KCNQ1: variants seen among roughly 807,000 people sequenced by gnomAD.
The protein encoded by KCNQ1 is potassium voltage-gated channel subfamily Q member 1, also known as potassium voltage-gated channel subfamily KQT member 1.
KCNQ1 carries 49 observed loss-of-function variants against 72.4 expected under a neutral mutation model. The observed-to-expected ratio is 0.68, with a 90% CI of 0.54 to 0.86. The LOEUF (loss-of-function observed/expected upper bound fraction) is 0.86. Ranked by LOEUF, KCNQ1 falls within the 40% of genes least tolerant of loss-of-function variation. KCNQ1 has a pLI of 0.00. For synonymous variants in KCNQ1, 450 were observed against 412.6 expected, an observed-to-expected ratio of 1.09 and a Z score of -1.10; for missense variants, 790 against 945.1, an observed-to-expected ratio of 0.84 and a Z score of 2.15.
In KCNQ1 at chr11:2,613,528, A is replaced by G. The variant is rs1166127743; in HGVS notation, c.1393+24674A>G. The G allele has an allele frequency of 5.0e-6, 2 of 398,470 alleles. No individual in the cohort carries two copies. The highest frequency in any genetic ancestry group is 8.8e-6 in the Non-Finnish European group (2 of 226,032). 24.7% of individuals were successfully genotyped at this position (398,470 alleles called of 1,614,324 possible). On this transcript the variant is annotated intron_variant, in intron 10 of 15. Transcript: ENST00000155840. The surrounding 1 kb of genome is among the most constrained non-coding windows in gnomAD (Gnocchi z 4.8). ...GCTTGGGTGGGGAGATGGCAGCCCC[A>G]CGTTAAATCATAACCCTGCTATTCT...
intron 1 of KCNQ1, among the ~76,000 whole-genome samples, chr11:2,507,000 TC>T (rs756635750): frequency 2.6e-5 from 4 of 152,200 alleles, no homozygotes; most frequent in Non-Finnish European, 5.9e-5. Context: ...TCCCAGCTGG[TC>T]ACTTGTCTTT....
At chr11:2,570,292 G>A (rs995124724) in intron 2 of KCNQ1, among the ~76,000 whole-genome samples, 4 of 102,170 alleles carry the variant, frequency 3.9e-5, no homozygotes, top group African/African-American at 6.0e-5. Flanking sequence ...GGCGTCGGAC[G>A]CCCTCTGGCC....
rs143436998 is a variant in KCNQ1 at position 2,764,822 on chromosome 11, A to C, written c.1515-4022A>C. On this transcript the variant is annotated intron_variant, in intron 11 of 15. Transcript: ENST00000155840. The surrounding 1 kb of genome is among the most constrained non-coding windows in gnomAD (Gnocchi z 4.8). ...ATGTCCTCTGAATAAATGTTTCTGCACCTCTAGGTCTATAGTGACATTCCA... is the reference window on the plus strand; with the variant it reads ...ATGTCCTCTGAATAAATGTTTCTGCCCCTCTAGGTCTATAGTGACATTCCA... 6.6e-6 allele frequency among the ~76,000 whole-genome samples: 1 copy of C among 152,254 alleles called. No individual in the cohort carries two copies. Among genetic ancestry groups the C allele is most frequent in the East Asian group, 1.9e-4 (1 of 5,184 alleles).
chr11:2,448,940 G>C (rs1411092630), intron 1 of KCNQ1, among the ~76,000 whole-genome samples: 1 of 152,222 alleles, frequency 6.6e-6, no homozygotes. Context: ...GCTGGGGAGG[G>C]GGTAGTCCAG....
At chr11:2,686,855 AGAGGCCCTGGTTT>A (rs1333183310) in intron 11 of KCNQ1, 1 of 398,578 alleles carries the variant, frequency 2.5e-6, no homozygotes, top group Non-Finnish European at 4.4e-6. Flanking sequence ...CCCTCTGGCC[AGAGGCCCTGGTTT>A]GTGTCTGCCC....
chr11:2,805,516 G>C (rs778009126), intron 15 of KCNQ1, among the ~76,000 whole-genome samples: 1 of 152,208 alleles, frequency 6.6e-6, no homozygotes, highest in Non-Finnish European at 1.5e-5. Context: ...ATCTGGCCCC[G>C]CTGCCTGTTT....
chr11:2,698,352 T>C lies in KCNQ1; in HGVS notation c.1514+36271T>C, dbSNP rs1245324319. On this transcript the variant is annotated intron_variant, in intron 11 of 15. Transcript: ENST00000155840. This position sits in a 1 kb window ranked among gnomAD's most constrained non-coding sequence, Gnocchi z 5.1. ...GAAGGCACTCTTACTCTCAATTTTA[T>C]ATAAAAGGCTATTTGACCTGCTCAG... 2.5e-6 allele frequency: 1 copy of C among 398,514 alleles called. No individual in the cohort carries two copies. Among genetic ancestry groups the C allele is most frequent in the Non-Finnish European group, 4.4e-6 (1 of 226,072 alleles). 24.7% of individuals were successfully genotyped at this position (398,514 alleles called of 1,614,324 possible). A position where few individuals can be genotyped will look rare whatever the true frequency, so the allele number is the denominator to read the frequency against.
At position 2,785,030 on chromosome 11, in the gene KCNQ1, T is replaced by C. The variant is rs956876973; in HGVS notation, c.1794+6993T>C. 6.6e-6 allele frequency among the ~76,000 whole-genome samples: 1 copy of C among 152,038 alleles called. No homozygotes were observed. The highest frequency in any genetic ancestry group is 2.1e-4 in the South Asian group (1 of 4,834). On this transcript the variant is annotated intron_variant, in intron 15 of 15. Transcript: ENST00000155840. The surrounding 1 kb of genome is among the most constrained non-coding windows in gnomAD (Gnocchi z 4.4). ...CCTTTAATTTCTTTGTTTTGCCTAA[T>C]TGCACTGGCTTGAACTTCAAAAAAA...
rs914602559 is a variant in KCNQ1, at chr11:2,746,950, C to T, written c.1515-21894C>T. ...TGGATCAAAGCCATGGCCCCCATTC[C>T]CCGGGGATAGGGAAGCTGTGCAGGC... On this transcript the variant is annotated intron_variant, in intron 11 of 15. Transcript: ENST00000155840. The surrounding 1 kb of genome is among the most constrained non-coding windows in gnomAD (Gnocchi z 5.9). 4.6e-5 allele frequency among the ~76,000 whole-genome samples: 7 copies of T among 152,322 alleles called. No individual in the cohort carries two copies. In the East Asian group the frequency reaches 1.4e-3, roughly 29 times the overall value.
rs1299548038 is a variant in KCNQ1, at chr11:2,481,040, GAA to G, written c.386+35558_386+35559del. ...AGTTTGAAATGAAATCATATAAATCGAAAGTTAGAAGAGAATTACCACATCAT... is the reference window on the plus strand; with the variant it reads ...AGTTTGAAATGAAATCATATAAATCGAGTTAGAAGAGAATTACCACATCAT... On this transcript the variant is annotated intron_variant, in intron 1 of 15. Coordinates refer to ENST00000155840, the MANE Select transcript of KCNQ1 (RefSeq NM_000218.3). This position sits in a 1 kb window ranked among gnomAD's most constrained non-coding sequence, Gnocchi z 4.6. Among the ~76,000 whole-genome samples the G allele has an allele frequency of 6.6e-6, 1 of 152,114 alleles. No homozygotes were observed. The highest frequency in any genetic ancestry group is 2.4e-5 in the African/African-American group (1 of 41,410).
chr11:2,803,899 G>C lies in KCNQ1; in HGVS notation c.1794+25862G>C, dbSNP rs974219163. On this transcript the variant is annotated intron_variant, in intron 15 of 15. Coordinates refer to ENST00000155840, the MANE Select transcript of KCNQ1 (RefSeq NM_000218.3). The surrounding 1 kb of genome is among the most constrained non-coding windows in gnomAD (Gnocchi z 6.4). The stretch of plus-strand genomic sequence containing the variant: ...CACCCCACACCAGCCATTGGATGGG[G>C]CCGCCTCTGCCACCTGCTCCAGCCA... Among the ~76,000 whole-genome samples the C allele has an allele frequency of 1.3e-5, 2 of 152,056 alleles. No homozygotes were observed. Among genetic ancestry groups the C allele is most frequent in the African/African-American group, 4.8e-5 (2 of 41,374 alleles).
chr11:2,776,076 C>G, intron 13 of KCNQ1, 22 bp downstream of exon 13: 3 of 1,541,522 alleles, frequency 1.9e-6, no homozygotes, highest in Non-Finnish European at 2.6e-6. Context: ...CAAACGGCAG[C>G]GGGGAGGGTG....
rs1849873347 is a variant in KCNQ1 at position 2,657,638 on chromosome 11, T to C, written c.1394-4323T>C. The C allele has an allele frequency of 1.0e-5, 4 of 398,644 alleles. No individual in the cohort carries two copies. Among genetic ancestry groups the C allele is most frequent in the Non-Finnish European group, 1.8e-5 (4 of 226,050 alleles). The allele number at this position is 398,644 out of a possible 1,614,324, so 24.7% of individuals were successfully genotyped here. On this transcript the variant is annotated intron_variant, in intron 10 of 15. Coordinates refer to ENST00000155840, the MANE Select transcript of KCNQ1 (RefSeq NM_000218.3). This position sits in a 1 kb window ranked among gnomAD's most constrained non-coding sequence, Gnocchi z 4.8. ...TTGGTACACTATTAAGCTAGAGTTA[T>C]AAATTTATTTGGATTTCCCCAGTTT... is the stretch of plus-strand genomic sequence containing the variant.
At chr11:2,637,033 C>T (rs1485435212) in intron 10 of KCNQ1, 4 of 152,112 alleles carry the variant, frequency 2.6e-5, no homozygotes, top group African/African-American at 9.6e-5. Context: ...GTGGTGATAT[C>T]CCCTTTATCA....
At chr11:2,738,539 C>T (rs1317299354) in intron 11 of KCNQ1, among the ~76,000 whole-genome samples, 1 of 152,234 alleles carries the variant, frequency 6.6e-6, no homozygotes, top group Non-Finnish European at 1.5e-5. Flanking sequence ...CCCCCACTCC[C>T]AGCCAGGCCT....
rs997207695 is a variant in KCNQ1, at chr11:2,696,184, C to T, written c.1514+34103C>T. 3.5e-5 allele frequency: 14 copies of T among 398,622 alleles called. No homozygotes were observed. In the Middle Eastern group the frequency reaches 1.9e-3, roughly 54 times the overall value. The allele number at this position is 398,622 out of a possible 1,614,324, so 24.7% of individuals were successfully genotyped here. On this transcript the variant is annotated intron_variant, in intron 11 of 15. Transcript: ENST00000155840. ...TTCTGGATCCTGTTTAAGAACCCCA[C>T]GGCCACCCTGGCCCTGGAGATTATT...
intron 15 of KCNQ1, among the ~76,000 whole-genome samples, chr11:2,804,511 AG>A (rs1322023471): frequency 6.6e-6 from 1 of 152,240 alleles, no homozygotes; most frequent in Non-Finnish European, 1.5e-5. Flanking sequence ...CTCCCCTCAG[AG>A]GGCTGGGTGT....
rs368080519 is a variant in KCNQ1, at chr11:2,570,608, G to C, written c.478-20G>C. The C allele has an allele frequency of 6.2e-7, 1 of 1,611,148 alleles. No homozygotes were observed. The highest frequency in any genetic ancestry group is 1.3e-5 in the African/African-American group (1 of 74,936). On this transcript the variant is annotated intron_variant, in intron 2 of 15. Coordinates refer to ENST00000155840, the MANE Select transcript of KCNQ1 (RefSeq NM_000218.3). ...AAGGCCGAGCCTGCCTGCAGTGAGC[G>C]TCCCACTCTGTCCCTGCAGGAGATC...
chr11:2,538,746 G>A lies in KCNQ1; in HGVS notation c.477+10728G>A, dbSNP rs1170591110. Among the ~76,000 whole-genome samples, 3 of 151,606 alleles carry A rather than the reference G, an allele frequency of 2.0e-5. No homozygotes were observed. The highest frequency in any genetic ancestry group is 2.9e-5 in the Non-Finnish European group (2 of 67,938). On this transcript the variant is annotated intron_variant, in intron 2 of 15. Transcript: ENST00000155840. The surrounding 1 kb of genome is among the most constrained non-coding windows in gnomAD (Gnocchi z 6.7). The stretch of plus-strand genomic sequence containing the variant: ...GGCTTCCTCTGTGCAGCCCACACAC[G>A]GGCCTCACGTTATCTTCTGCAGGCC...
Sources: allele counts gnomAD v4.1 joint callset (sites outside exome capture counted in the v4.1 genomes callset), GRCh38; gene constraint gnomAD v4.1.1; non-coding constraint Gnocchi (gnomAD v3.1); transcripts MANE v1.5; gene names NCBI Gene and HGNC (gene_info 2026-07-23, HGNC 2026-07-21).